EIF2S1: variants seen among roughly 807,000 people sequenced by gnomAD.
EIF2S1 encodes eukaryotic translation initiation factor 2 subunit 1.
In EIF2S1, 5 loss-of-function variants were observed where a neutral mutation model predicts 33.5. That is an observed-to-expected ratio of 0.15 (90% CI 0.08 to 0.31). The LOEUF is 0.31. Ranked by LOEUF, EIF2S1 falls within the 10% of genes least tolerant of loss-of-function variation. The pLI is 1.00. For synonymous variants in EIF2S1, 99 were observed against 127.5 expected (o/e 0.78, Z 1.51); for missense variants, 191 against 384.6 (o/e 0.50, Z 4.21).
intron 1 of EIF2S1, chr14:67,360,709 T>G (rs2085730247): frequency 6.5e-6 from 1 of 153,150 alleles, no homozygotes; most frequent in Non-Finnish European, 1.5e-5. Context: ...CCGAGTGGAT[T>G]GTACAGCCTC....
chr14:67,382,298 T>C (rs1162510904), intron 6 of EIF2S1, 149 bp from the exon 7 acceptor site: 5 of 591,866 alleles, frequency 8.4e-6, no homozygotes, highest in Admixed American at 3.7e-5. Context: ...TTGCCAATTC[T>C]GTAGGACCCT....
chr14:67,378,386 CATTT>C (rs1478871777), intron 4 of EIF2S1, among the ~76,000 whole-genome samples: 1 of 134,164 alleles, frequency 7.5e-6, no homozygotes, highest in African/African-American at 2.8e-5. Flanking sequence ...TGATAACTAA[CATTT>C]ATATAATTCT....
At chr14:67,375,136 G>A (rs1226626761) in intron 3 of EIF2S1, among the ~76,000 whole-genome samples, 1 of 152,048 alleles carries the variant, frequency 6.6e-6, no homozygotes, top group Non-Finnish European at 1.5e-5. Context: ...ACAGTAAGCA[G>A]CAGCAAAGCA....
At position 67,364,866 on chromosome 14, in the gene EIF2S1, T is replaced by C. The variant is rs147827666; in HGVS notation, c.99T>C (p.Tyr33=). Residue 33 remains tyrosine (Y), a synonymous_variant, in exon 2 of 8, where the codon TAT becomes TAC. Transcript: ENST00000256383. ...NVRSIAEMGA[Y]VSLLEYNNIE... ...GATCCATTGCTGAAATGGGGGCTTATGTCAGCTTGCTGGAATACAACAACA... is the reference window on the plus strand; with the variant it reads ...GATCCATTGCTGAAATGGGGGCTTACGTCAGCTTGCTGGAATACAACAACA... The C allele has an allele frequency of 1.2e-6, 2 of 1,614,086 alleles. No homozygotes were observed. Among genetic ancestry groups the C allele is most frequent in the Non-Finnish European group, 1.7e-6 (2 of 1,179,958 alleles).
intron 2 of EIF2S1, among the ~76,000 whole-genome samples, chr14:67,372,559 G>A (rs1015608073): frequency 7.9e-5 from 12 of 152,106 alleles, no homozygotes; most frequent in African/African-American, 2.4e-4. Context: ...GGCTGGGAGC[G>A]GTGGCTCACG....
intron 2 of EIF2S1, among the ~76,000 whole-genome samples, chr14:67,371,259 T>C (rs2085818955): frequency 6.6e-6 from 1 of 151,818 alleles, no homozygotes; most frequent in Non-Finnish European, 1.5e-5. Flanking sequence ...ATAAAAATTT[T>C]AAAAAATTAG....
intron 5 of EIF2S1, 34 bp from the exon 6 acceptor site, chr14:67,381,559 T>A: frequency 6.4e-7 from 1 of 1,573,842 alleles, no homozygotes; most frequent in Non-Finnish European, 8.7e-7. Flanking sequence ...ATTTTTTGCA[T>A]TTTTTATCAA....
rs781489019 is a variant in EIF2S1, at chr14:67,381,683, C to T, written c.671C>T (p.Pro224Leu). The change falls in exon 6 of 8, where the codon CCC (proline) becomes CTC (leucine). Residue 224 changes from proline to leucine, a missense_variant. By Grantham distance (98) the Pro-to-Leu change is moderately conservative. Coordinates refer to ENST00000256383, the MANE Select transcript of EIF2S1 (RefSeq NM_004094.5). ...TTGAATTGTTCTACAGAAAACATGC[C>T]CATTAAGGTGAGTCATGAGTTGTCT... is the stretch of plus-strand genomic sequence containing the variant. ...AGLNCSTENM[P>L]IKINLIAPPR... The T allele has an allele frequency of 7.5e-6, 12 of 1,610,574 alleles. No homozygotes were observed. The South Asian group carries it at 1.3e-4, about 18-fold the overall frequency.
At chr14:67,382,748 C>A in intron 7 of EIF2S1, 158 bp downstream of exon 7, 4 of 738,298 alleles carry the variant, frequency 5.4e-6, no homozygotes, top group Non-Finnish European at 9.0e-6. Context: ...CCGTCCCCAG[C>A]CAGGGGGAAG....
At chr14:67,372,486 G>C (rs1026789762) in intron 2 of EIF2S1, among the ~76,000 whole-genome samples, 3 of 152,124 alleles carry the variant, frequency 2.0e-5, no homozygotes, top group Non-Finnish European at 4.4e-5. Context: ...ACTATAAAGA[G>C]AATAAAAAGA....
At chr14:67,376,159 G>A (rs572419467) in intron 3 of EIF2S1, among the ~76,000 whole-genome samples, 6 of 129,824 alleles carry the variant, frequency 4.6e-5, no homozygotes, top group Admixed American at 7.6e-5. Context: ...TGATCTATGC[G>A]AGCACTCTGT....
At chr14:67,383,220 G>A (rs2085899325) in intron 7 of EIF2S1, 95 bp from the exon 8 acceptor site, 6 of 1,371,818 alleles carry the variant, frequency 4.4e-6, no homozygotes, top group South Asian at 2.8e-5. Context: ...TTAGAAAAGT[G>A]TTAAAGAGAG....
chr14:67,378,705 G>T (rs116203097), intron 4 of EIF2S1, among the ~76,000 whole-genome samples: 1 of 152,142 alleles, frequency 6.6e-6, no homozygotes, highest in East Asian at 1.9e-4. Flanking sequence ...AAACCTTGGC[G>T]TGTGTTATTC....
At chr14:67,361,838 C>T (rs1339069678) in intron 1 of EIF2S1, among the ~76,000 whole-genome samples, 1 of 152,162 alleles carries the variant, frequency 6.6e-6, no homozygotes, top group Non-Finnish European at 1.5e-5. Context: ...TTAGCTCCTA[C>T]GCTAGTACTT....
At chr14:67,372,429 G>T (rs115849448) in intron 2 of EIF2S1, among the ~76,000 whole-genome samples, 222 of 152,274 alleles carry the variant, frequency 1.5e-3, no homozygotes, top group African/African-American at 5.1e-3. Context: ...AGGAAAAATT[G>T]ATTAATTGGA....
rs2085912467 is a variant in EIF2S1, at chr14:67,385,036, C to T, written c.*1596C>T. 1 of 152,156 alleles carries T rather than the reference C, an allele frequency of 6.6e-6. No individual in the cohort carries two copies. The highest frequency in any genetic ancestry group is 2.1e-4 in the South Asian group (1 of 4,838). The allele number at this position is 152,156 out of a possible 1,614,324, so 9.4% of individuals were successfully genotyped here. The stretch of plus-strand genomic sequence containing the variant: ...TTCAAAAGCCATAACTTGAAAAATA[C>T]TGGTGGCGTCGATGGTGAGTGATTT... On this transcript the variant is annotated 3_prime_UTR_variant, in exon 8 of 8. Transcript: ENST00000256383.
chr14:67,367,937 C>G (rs568758362), intron 2 of EIF2S1, among the ~76,000 whole-genome samples: 4 of 151,932 alleles, frequency 2.6e-5, no homozygotes, highest in Admixed American at 1.3e-4. Flanking sequence ...TATTTTTGCC[C>G]TTCTTAGTTT....
intron 1 of EIF2S1, among the ~76,000 whole-genome samples, chr14:67,361,341 T>C (rs1184368894): frequency 6.6e-6 from 1 of 152,272 alleles, no homozygotes; most frequent in Non-Finnish European, 1.5e-5. Flanking sequence ...TACAGAACTT[T>C]GCTACCTATT....
chr14:67,360,761 T>C (rs8016024), intron 1 of EIF2S1: 29,246 of 152,162 alleles, frequency 0.19, 4,436 homozygotes, highest in East Asian at 0.48. Context: ...GATGGGGCGG[T>C]CTCAGGAGAA....
Sources: gnomAD v4.1 joint callset for allele counts (sites outside exome capture counted in the v4.1 genomes callset) on GRCh38, gnomAD v4.1.1 for gene constraint, MANE v1.5 for transcripts, NCBI Gene and HGNC (gene_info 2026-07-23, HGNC 2026-07-21) for gene names.